Variants in AK8 observed in about 807,000 individuals in gnomAD.
The protein encoded by AK8 is adenylate kinase 8.
In AK8, 44 loss-of-function variants were observed where a neutral mutation model predicts 54.6. That is an observed-to-expected ratio of 0.81 (90% confidence interval 0.63 to 1.04). The LOEUF is 1.04. AK8 is among the 50% of genes least tolerant of loss of function. The pLI is 0.00. For synonymous variants in AK8, 239 were observed against 245.6 expected (o/e 0.97, Z 0.25); for missense variants, 555 against 613.6 (o/e 0.90, Z 1.01).
At chr9:132,831,138 T>C (rs550266155) in intron 5 of AK8, among the ~76,000 whole-genome samples, 10 of 152,348 alleles carry the variant, frequency 6.6e-5, no homozygotes, top group African/African-American at 2.2e-4. Flanking sequence ...ATTTAACTGT[T>C]TAAATTGTTG....
At position 132,811,490 on chromosome 9, in the gene AK8, C is replaced by T. The variant is rs904330663; in HGVS notation, c.979+3148G>A. ...GATGGCCCCCAGAAGCTGGAAAAGGCAAGGAAGTAAATCCTCTCAAGTGCC... is the reference window on the plus strand; with the variant it reads ...GATGGCCCCCAGAAGCTGGAAAAGGTAAGGAAGTAAATCCTCTCAAGTGCC... On this transcript the variant is annotated intron_variant, in intron 10 of 12. Transcript: ENST00000298545. 3.3e-5 allele frequency among the ~76,000 whole-genome samples: 5 copies of T among 152,384 alleles called. 1 individual carries two copies. The highest frequency in any genetic ancestry group is 1.9e-4 in the East Asian group (1 of 5,194).
chr9:132,794,138 C>T (rs1389511713), intron 10 of AK8, among the ~76,000 whole-genome samples: 1 of 152,210 alleles, frequency 6.6e-6, no homozygotes, highest in East Asian at 1.9e-4. Context: ...TGTTCTCTCT[C>T]ATGCCCTTCA....
At chr9:132,806,241 C>T (rs964604173) in intron 10 of AK8, among the ~76,000 whole-genome samples, 7 of 151,972 alleles carry the variant, frequency 4.6e-5, no homozygotes, top group African/African-American at 1.5e-4. Context: ...GTCCTATTTC[C>T]ACTTCAAAAG....
intron 11 of AK8, among the ~76,000 whole-genome samples, chr9:132,776,572 A>C (rs1259697732): frequency 6.6e-6 from 1 of 152,226 alleles, no homozygotes; most frequent in Admixed American, 6.5e-5. Flanking sequence ...GCCGTCCCTC[A>C]AACAGCTGTG....
At chr9:132,813,221 C>T (rs911916337) in intron 10 of AK8, among the ~76,000 whole-genome samples, 1 of 152,106 alleles carries the variant, frequency 6.6e-6, no homozygotes, top group Non-Finnish European at 1.5e-5. Context: ...CTGCCCTGCA[C>T]CTACACAGAT....
chr9:132,823,675 A>G (rs1374436968), intron 8 of AK8, among the ~76,000 whole-genome samples: 1 of 152,216 alleles, frequency 6.6e-6, no homozygotes, highest in Non-Finnish European at 1.5e-5. Context: ...TGGTCCCAGG[A>G]CATGATAGCA....
intron 11 of AK8, among the ~76,000 whole-genome samples, chr9:132,775,966 C>G (rs538520518): frequency 6.6e-6 from 1 of 152,228 alleles, no homozygotes; most frequent in South Asian, 2.1e-4. Flanking sequence ...CTTATGCTCT[C>G]AAACACAGAC....
intron 5 of AK8, among the ~76,000 whole-genome samples, chr9:132,848,986 G>A (rs1241126105): frequency 6.9e-6 from 1 of 144,204 alleles, no homozygotes; most frequent in Non-Finnish European, 1.5e-5. Flanking sequence ...TCGGCTCACT[G>A]CAACCTCTGC....
At chr9:132,878,338 C>G, upstream of AK8, 1 of 1,288,030 alleles carries the variant, frequency 7.8e-7, no homozygotes, top group Non-Finnish European at 9.9e-7. The surrounding 1 kb of genome is among the most constrained non-coding windows in gnomAD (Gnocchi z 4.7). Flanking sequence ...GCGCCGCGGC[C>G]CCGCCCTGCA....
intron 5 of AK8, among the ~76,000 whole-genome samples, chr9:132,847,887 G>A (rs1842812091): frequency 6.6e-6 from 1 of 152,072 alleles, no homozygotes; most frequent in Admixed American, 6.5e-5. Context: ...AAGCTGAGCA[G>A]GAGGATCGTT....
intron 11 of AK8, chr9:132,769,274 C>G (rs1320859697): frequency 6.6e-6 from 1 of 152,340 alleles, no homozygotes; most frequent in Non-Finnish European, 1.5e-5. Flanking sequence ...TCTCCGGGCC[C>G]CCCAGTTTTT....
chr9:132,872,195 G>C (rs117345235), intron 2 of AK8, among the ~76,000 whole-genome samples: 2,333 of 152,142 alleles, frequency 0.015, 24 homozygotes, highest in Non-Finnish European at 0.025. Context: ...AATTAGCCAG[G>C]CGCAGTAGCA....
chr9:132,804,178 G>A (rs1840606572), intron 10 of AK8, among the ~76,000 whole-genome samples: 1 of 150,636 alleles, frequency 6.6e-6, no homozygotes, highest in African/African-American at 2.4e-5. Context: ...GACCTCACCC[G>A]AATAGAAATG....
chr9:132,841,361 A>G (rs1842538613), intron 5 of AK8, among the ~76,000 whole-genome samples: 1 of 152,186 alleles, frequency 6.6e-6, no homozygotes, highest in Non-Finnish European at 1.5e-5. Context: ...GAATAATAAA[A>G]TTCTCCGCAC....
At chr9:132,767,931 A>G (rs1291365819) in intron 11 of AK8, among the ~76,000 whole-genome samples, 6 of 152,168 alleles carry the variant, frequency 3.9e-5, no homozygotes, top group African/African-American at 1.4e-4. Context: ...AGAGAGTGGA[A>G]TGATGGTTAC....
rs113633383 is a variant in AK8 at position 132,839,822 on chromosome 9, G to GC, written c.403-11097_403-11096insG. On this transcript the variant is annotated intron_variant, in intron 5 of 12. Transcript: ENST00000298545. ...TGTAAAGAAAACATTTTTTTTGCCGGGGGGGGGGGCGCAGGGACGGAGCCT... is the reference window on the plus strand; with the variant it reads ...TGTAAAGAAAACATTTTTTTTGCCGGCGGGGGGGGGCGCAGGGACGGAGCCT... Among the ~76,000 whole-genome samples, 7 of 143,504 alleles carry GC rather than the reference G, an allele frequency of 4.9e-5. No homozygotes were observed. In the East Asian group the frequency reaches 8.2e-4, roughly 17 times the overall value. 94.1% of individuals were successfully genotyped at this position (143,504 alleles called of 152,430 possible).
chr9:132,746,803 T>C (rs1316150890), intron 11 of AK8, among the ~76,000 whole-genome samples: 5 of 152,200 alleles, frequency 3.3e-5, no homozygotes, highest in Non-Finnish European at 7.3e-5. Flanking sequence ...ACTCAGTCTC[T>C]GCCTCGAGGA....
intron 5 of AK8, among the ~76,000 whole-genome samples, chr9:132,844,635 T>C (rs908227169): frequency 1.4e-4 from 21 of 152,310 alleles, no homozygotes; most frequent in African/African-American, 4.8e-4. Context: ...GAAAAGGCAA[T>C]GGATGCCCCT....
intron 10 of AK8, among the ~76,000 whole-genome samples, chr9:132,813,543 A>C (rs946275802): frequency 6.6e-6 from 1 of 152,232 alleles, no homozygotes; most frequent in African/African-American, 2.4e-5. Context: ...CAGACTTGAT[A>C]AGTGGGTGTG....
Sources: gnomAD v4.1 joint callset for allele counts (sites outside exome capture counted in the v4.1 genomes callset) on GRCh38, gnomAD v4.1.1 for gene constraint, Gnocchi (gnomAD v3.1) non-coding constraint, MANE v1.5 for transcripts, NCBI Gene and HGNC (gene_info 2026-07-23, HGNC 2026-07-21) for gene names.